The following UBE3C variants were observed in gnomAD, a reference collection of about 807,000 sequenced individuals.
UBE3C encodes the protein ubiquitin protein ligase E3C, also known as ubiquitin-protein ligase E3C.
A neutral mutation model predicts 129.4 loss-of-function variants in UBE3C; 42 were observed. The observed-to-expected ratio is 0.32, with a 90% CI of 0.25 to 0.42. The LOEUF is 0.42. Ranked by LOEUF, UBE3C falls within the 10% of genes least tolerant of loss-of-function variation. The pLI, the probability that UBE3C is intolerant of heterozygous loss-of-function variation, is 1.00. For missense variants in UBE3C, 1,049 were observed against 1,319.1 expected, an observed-to-expected ratio of 0.80 and a Z score of 3.17; for synonymous variants, 510 against 492.4, an observed-to-expected ratio of 1.04 and a Z score of -0.47.
intron 1 of UBE3C, among the ~76,000 whole-genome samples, chr7:157,150,192 A>G (rs1807718545): frequency 6.6e-6 from 1 of 152,200 alleles, no homozygotes; most frequent in Non-Finnish European, 1.5e-5. Context: ...AGCCTGGCCA[A>G]CGTGGTGAAA....
At chr7:157,223,033 T>C (rs938590084) in intron 15 of UBE3C, 2 of 475,280 alleles carry the variant, frequency 4.2e-6, no homozygotes, top group Non-Finnish European at 7.7e-6. Flanking sequence ...GATTAGGACA[T>C]CTTTAATATT....
chr7:157,212,912 C>T (rs944561403), intron 13 of UBE3C, among the ~76,000 whole-genome samples: 4 of 152,110 alleles, frequency 2.6e-5, no homozygotes, highest in Non-Finnish European at 5.9e-5. Flanking sequence ...CATGTGCCAC[C>T]ACACCCGGCT....
intron 11 of UBE3C, 72 bp from the exon 12 acceptor site, chr7:157,207,326 T>C (rs1809459946): frequency 1.1e-5 from 17 of 1,548,364 alleles, no homozygotes; most frequent in Non-Finnish European, 1.4e-5. Flanking sequence ...TTTGATGTTA[T>C]GTTTTAATTA....
intron 17 of UBE3C, among the ~76,000 whole-genome samples, chr7:157,227,553 A>G (rs1464050358): frequency 1.4e-5 from 2 of 146,034 alleles, no homozygotes; most frequent in East Asian, 4.0e-4. Context: ...AAAAAAAAAT[A>G]GCTGGGCGTG....
rs370503285 is a variant in UBE3C at position 157,163,868 on chromosome 7, A to G, written c.120+5A>G. The stretch of plus-strand genomic sequence containing the variant: ...GAAGAAAGAAGAAAGAGAGAGGTAA[A>G]AACAGTTTTGTAATACTCTGTAGAT... On this transcript the variant is annotated splice_donor_5th_base_variant and intron_variant, in intron 2 of 22. Coordinates refer to ENST00000348165, the MANE Select transcript of UBE3C (RefSeq NM_014671.3). The G allele has an allele frequency of 3.1e-6, 5 of 1,613,212 alleles. No homozygotes were observed. In the African/African-American group the frequency reaches 5.3e-5, roughly 17 times the overall value.
At chr7:157,231,356 C>A in intron 18 of UBE3C, 29 bp downstream of exon 18, 1 of 1,606,296 alleles carries the variant, frequency 6.2e-7, no homozygotes, top group Non-Finnish European at 8.5e-7. Context: ...AAAAATAGAC[C>A]TCGGACCAAA....
intron 1 of UBE3C, among the ~76,000 whole-genome samples, chr7:157,143,273 T>G (rs1807509181): frequency 6.6e-6 from 1 of 152,182 alleles, no homozygotes. Context: ...TTTTTCTTGG[T>G]AGTGTATAGA....
At chr7:157,259,909 T>C (rs1796853154) in intron 22 of UBE3C, among the ~76,000 whole-genome samples, 2 of 152,156 alleles carry the variant, frequency 1.3e-5, no homozygotes, top group African/African-American at 2.4e-5. Flanking sequence ...GCATCTCAGT[T>C]AGTGCCCTCA....
chr7:157,150,578 T>C (rs1000909432), intron 1 of UBE3C, among the ~76,000 whole-genome samples: 3 of 152,204 alleles, frequency 2.0e-5, no homozygotes, highest in Non-Finnish European at 4.4e-5. Context: ...ATTTGTTAAA[T>C]AACCGTTAAT....
chr7:157,170,184 A>G (rs1023865130), intron 3 of UBE3C, 120 bp from the exon 4 acceptor site: 12 of 871,750 alleles, frequency 1.4e-5, no homozygotes, highest in African/African-American at 7.0e-5. Context: ...AGGACCGATA[A>G]TGGTGTTTTC....
chr7:157,259,894 AC>A (rs2116706285), intron 22 of UBE3C, among the ~76,000 whole-genome samples: 1 of 152,328 alleles, frequency 6.6e-6, no homozygotes, highest in Admixed American at 6.5e-5. Flanking sequence ...CTATAAACTA[AC>A]ACAGCATCTC....
Position 157,194,792 on chromosome 7 carries a change from G to A in UBE3C, c.1332-6929G>A, listed in dbSNP as rs75540415. ...GTGGCAAAAAGCTAAGCTGAATTGT[G>A]TCCTGCAGTTATGTGTAAAGCAGAA... On this transcript the variant is annotated intron_variant, in intron 10 of 22. Transcript: ENST00000348165. 6.8e-3 allele frequency among the ~76,000 whole-genome samples: 1,032 copies of A among 152,310 alleles called. 18 individuals are homozygous for A. The highest frequency in any genetic ancestry group is 0.047 in the South Asian group (226 of 4,828).
At chr7:157,219,939 G>T (rs1285640491) in intron 14 of UBE3C, among the ~76,000 whole-genome samples, 2 of 152,056 alleles carry the variant, frequency 1.3e-5, no homozygotes, top group Non-Finnish European at 2.9e-5. Flanking sequence ...AGCCGGGTGT[G>T]GTGGCTCACG....
At chr7:157,184,791 G>A (rs1808763179) in intron 9 of UBE3C, among the ~76,000 whole-genome samples, 1 of 152,118 alleles carries the variant, frequency 6.6e-6, no homozygotes, top group African/African-American at 2.4e-5. Context: ...CACTAGTATC[G>A]AATGAAAGAG....
intron 17 of UBE3C, among the ~76,000 whole-genome samples, chr7:157,227,465 G>A (rs144792083): frequency 0.017 from 2,543 of 152,102 alleles, 58 homozygotes; most frequent in African/African-American, 0.051. Flanking sequence ...TTGGGAGGCT[G>A]AGGCAGGCAG....
chr7:157,159,551 A>G (rs1046553070), intron 1 of UBE3C, among the ~76,000 whole-genome samples: 1 of 152,234 alleles, frequency 6.6e-6, no homozygotes, highest in African/African-American at 2.4e-5. Flanking sequence ...TTCAGAATCC[A>G]GTTGTATCAG....
intron 21 of UBE3C, chr7:157,256,706 C>T (rs1362334040): frequency 1.3e-5 from 7 of 533,182 alleles, no homozygotes; most frequent in South Asian, 5.6e-5. Flanking sequence ...TACACAGCCT[C>T]GGCATGAGAT....
chr7:157,143,272 G>C (rs989913261), intron 1 of UBE3C, among the ~76,000 whole-genome samples: 1 of 152,052 alleles, frequency 6.6e-6, no homozygotes, highest in Non-Finnish European at 1.5e-5. Context: ...GTTTTTCTTG[G>C]TAGTGTATAG....
chr7:157,224,463 A>G (rs772898139), intron 16 of UBE3C, among the ~76,000 whole-genome samples: 29 of 152,108 alleles, frequency 1.9e-4, no homozygotes, highest in Non-Finnish European at 3.8e-4. Flanking sequence ...CAAAGTGCTG[A>G]AATTACAGGC....
Sources: gnomAD v4.1 joint callset for allele counts (sites outside exome capture counted in the v4.1 genomes callset) on GRCh38, gnomAD v4.1.1 for gene constraint, MANE v1.5 for transcripts, NCBI Gene and HGNC (gene_info 2026-07-23, HGNC 2026-07-21) for gene names.